Variants in POC1B observed in about 807,000 individuals in gnomAD.
POC1B encodes POC1 centriolar protein homolog B.
A neutral mutation model predicts 60.6 loss-of-function variants in POC1B; 44 were observed. The ratio of observed to expected loss-of-function variants is 0.73; its 90% confidence interval spans 0.57 to 0.93. The LOEUF is 0.93. POC1B is among the 40% of genes least tolerant of loss of function. The probability of loss-of-function intolerance (pLI) is 0.00; values close to 1 mark genes in which losing one functional copy is unlikely to be tolerated. For missense variants in POC1B, 555 were observed against 572.3 expected (o/e 0.97, Z 0.31); for synonymous variants, 180 against 198.9 (o/e 0.90, Z 0.80).
rs766668019 is a variant in POC1B at position 89,464,483 on chromosome 12, GTTTT to G, written c.1032+2283_1032+2286del. The stretch of plus-strand genomic sequence containing the variant: ...TCATAACCTTGACTTTTTTATAAGA[GTTTT>G]TTTTTTTTTTTTTTTTTTGAGACGG... On this transcript the variant is annotated intron_variant, in intron 9 of 11. Coordinates refer to ENST00000313546, the MANE Select transcript of POC1B (RefSeq NM_172240.3). Among the ~76,000 whole-genome samples the G allele has an allele frequency of 3.0e-3, 284 of 94,722 alleles. 6 individuals carry two copies. The East Asian group carries it at 0.081, about 27-fold the overall frequency. 62.1% of individuals were successfully genotyped at this position (94,722 alleles called of 152,430 possible). A position where few individuals can be genotyped will look rare whatever the true frequency, so the allele number is the denominator to read the frequency against.
chr12:89,524,954 G>T (rs962198335), intron 2 of POC1B, 166 bp downstream of exon 2: 1 of 1,080,086 alleles, frequency 9.3e-7, no homozygotes, highest in African/African-American at 1.6e-5. Flanking sequence ...GATGGCAGAG[G>T]GGGCCCTAGC....
At chr12:89,508,005 C>A (rs1869985701) in intron 2 of POC1B, among the ~76,000 whole-genome samples, 1 of 152,208 alleles carries the variant, frequency 6.6e-6, no homozygotes, top group Non-Finnish European at 1.5e-5. Flanking sequence ...TTACAGAATT[C>A]CAACATTACA....
chr12:89,491,652 G>GA (rs1246222239), intron 4 of POC1B, among the ~76,000 whole-genome samples: 3 of 141,030 alleles, frequency 2.1e-5, no homozygotes, highest in East Asian at 2.1e-4. Context: ...AAAAAAAAAA[G>GA]AAAAAAAAAT....
At chr12:89,411,175 C>T in the POC1B span, among the ~76,000 whole-genome samples, 2 of 152,142 alleles carry the variant, frequency 1.3e-5, no homozygotes, top group South Asian at 2.1e-4. Context: ...GAATTAATAT[C>T]GTGACAATGG....
intron 2 of POC1B, among the ~76,000 whole-genome samples, chr12:89,499,939 C>T (rs1869464285): frequency 6.6e-6 from 1 of 152,230 alleles, no homozygotes; most frequent in Non-Finnish European, 1.5e-5. Context: ...CCTTCCAGAT[C>T]GCAGCTCTTG....
At chr12:89,432,329 T>C (rs954897086) in intron 10 of POC1B, among the ~76,000 whole-genome samples, 4 of 130,810 alleles carry the variant, frequency 3.1e-5, no homozygotes, top group African/African-American at 1.2e-4. Context: ...GAGGTTGCAG[T>C]GAGCCCAGAT....
At chr12:89,493,386 G>A (rs890394732) in intron 3 of POC1B, among the ~76,000 whole-genome samples, 1 of 152,090 alleles carries the variant, frequency 6.6e-6, no homozygotes, top group Non-Finnish European at 1.5e-5. Flanking sequence ...CTCAATACAC[G>A]TTGAATTCCA....
At chr12:89,519,248 G>A (rs913650283) in intron 2 of POC1B, among the ~76,000 whole-genome samples, 11 of 152,170 alleles carry the variant, frequency 7.2e-5, no homozygotes, top group Non-Finnish European at 1.3e-4. Flanking sequence ...AATACTTGCT[G>A]ATTAATGACA....
intron 10 of POC1B, chr12:89,427,634 G>C (rs973040959): frequency 5.3e-5 from 8 of 152,264 alleles, no homozygotes; most frequent in African/African-American, 1.9e-4. Flanking sequence ...CCAAGAGTTT[G>C]AGGCTGCAGT....
chr12:89,510,365 T>G (rs1269350338), intron 2 of POC1B, among the ~76,000 whole-genome samples: 1 of 152,188 alleles, frequency 6.6e-6, no homozygotes, highest in Non-Finnish European at 1.5e-5. Context: ...ATTTCCTCTT[T>G]GTTGGAGCTA....
intron 4 of POC1B, among the ~76,000 whole-genome samples, chr12:89,479,792 G>C (rs543720489): frequency 6.6e-6 from 1 of 152,068 alleles, no homozygotes; most frequent in East Asian, 1.9e-4. Context: ...TTGCTCTACT[G>C]ATCCTCTACA....
chr12:89,497,076 C>T (rs1869286537), intron 3 of POC1B, 95 bp downstream of exon 3: 3 of 1,235,864 alleles, frequency 2.4e-6, no homozygotes, highest in East Asian at 4.7e-5. Flanking sequence ...CTGAGAATAA[C>T]AGTGCAGGCA....
intron 10 of POC1B, among the ~76,000 whole-genome samples, chr12:89,459,105 AAC>A (rs1882371301): frequency 6.6e-6 from 1 of 152,028 alleles, no homozygotes; most frequent in Non-Finnish European, 1.5e-5. Flanking sequence ...AAGGACAAAT[AAC>A]ACAATAGGGA....
chr12:89,434,689 C>A (rs1038081774), intron 10 of POC1B, among the ~76,000 whole-genome samples: 2 of 152,146 alleles, frequency 1.3e-5, no homozygotes, highest in Admixed American at 6.5e-5. Flanking sequence ...AAACAAGTAG[C>A]CATTACTTCT....
intron 10 of POC1B, among the ~76,000 whole-genome samples, chr12:89,454,534 C>G (rs1330853077): frequency 6.6e-6 from 1 of 152,178 alleles, no homozygotes; most frequent in Non-Finnish European, 1.5e-5. Context: ...GCTCCTATGT[C>G]ACCTGCAATC....
downstream of POC1B, among the ~76,000 whole-genome samples, chr12:89,416,924 G>T (rs1250397525): frequency 2.0e-5 from 3 of 152,134 alleles, no homozygotes; most frequent in Non-Finnish European, 4.4e-5. Flanking sequence ...CCTTAGTAAA[G>T]GACCCAGAGG....
chr12:89,486,850 C>CA (rs1234566827), intron 4 of POC1B, among the ~76,000 whole-genome samples: 4 of 151,822 alleles, frequency 2.6e-5, no homozygotes, highest in Non-Finnish European at 4.4e-5. Context: ...TAGGATAAAA[C>CA]AAAAAAGGAA....
chr12:89,444,483 A>G (rs1881678004), intron 10 of POC1B, among the ~76,000 whole-genome samples: 1 of 152,222 alleles, frequency 6.6e-6, no homozygotes, highest in Non-Finnish European at 1.5e-5. Context: ...TCCAGCATAT[A>G]AACAGAACCA....
At chr12:89,414,944 C>T (rs1339078348), downstream of POC1B, among the ~76,000 whole-genome samples, 1 of 152,054 alleles carries the variant, frequency 6.6e-6, no homozygotes, top group Admixed American at 6.6e-5. Context: ...CAGATAATAC[C>T]TGTTCTCCAA....
Sources: gnomAD v4.1 joint callset for allele counts (sites outside exome capture counted in the v4.1 genomes callset) on GRCh38, gnomAD v4.1.1 for gene constraint, MANE v1.5 for transcripts, NCBI Gene and HGNC (gene_info 2026-07-23, HGNC 2026-07-21) for gene names.